Variants in ATG14 observed in about 807,000 individuals in gnomAD.
ATG14 encodes the protein autophagy related 14.
ATG14 carries 35 observed loss-of-function variants against 60.4 expected under a neutral mutation model. The observed-to-expected ratio is 0.58, with a 90% CI of 0.44 to 0.77. ATG14 has a LOEUF of 0.77. ATG14 is among the 30% of genes least tolerant of loss of function. The pLI, the probability that ATG14 is intolerant of heterozygous loss-of-function variation, is 0.00. For synonymous variants in ATG14, 234 were observed against 228.8 expected (o/e 1.02, Z -0.21); for missense variants, 647 against 626.3 (o/e 1.03, Z -0.35).
chr14:55,373,976 A>G (rs1884871318), intron 9 of ATG14, among the ~76,000 whole-genome samples: 1 of 152,196 alleles, frequency 6.6e-6, no homozygotes, highest in African/African-American at 2.4e-5. Flanking sequence ...TCCTCTGGCC[A>G]TAAACTTAGA....
chr14:55,369,786 A>G lies in ATG14; in HGVS notation c.1312T>C (p.Leu438=), dbSNP rs1452961278. The change falls in exon 10 of 10, where the codon TTG becomes CTG. Residue 438 remains leucine, a synonymous_variant. Transcript: ENST00000247178. The part of the protein sequence containing the change: ...ETDLGTDWEN[L]PSPRFCDIPS... ...ATATCACAAAACCGGGGACTAGGCAAGTTCTCCCAGTCTGTGCCCAGGTCG... is the reference window on the plus strand; with the variant it reads ...ATATCACAAAACCGGGGACTAGGCAGGTTCTCCCAGTCTGTGCCCAGGTCG... 1 of 1,614,186 alleles carries G rather than the reference A, an allele frequency of 6.2e-7. No individual in the cohort carries two copies. Among genetic ancestry groups the G allele is most frequent in the South Asian group, 1.1e-5 (1 of 91,082 alleles).
chr14:55,389,182 A>T (rs1376794665), intron 4 of ATG14, among the ~76,000 whole-genome samples: 2 of 152,204 alleles, frequency 1.3e-5, no homozygotes, highest in African/African-American at 2.4e-5. Context: ...TGTTAAAAAG[A>T]GCTGATCAGA....
intron 7 of ATG14, among the ~76,000 whole-genome samples, chr14:55,379,489 G>T (rs751217604): frequency 6.6e-6 from 1 of 152,138 alleles, no homozygotes; most frequent in Non-Finnish European, 1.5e-5. Context: ...AGGTTGCAAT[G>T]AGCTAAAATC....
intron 1 of ATG14, among the ~76,000 whole-genome samples, chr14:55,401,787 G>T (rs936253185): frequency 1.3e-5 from 2 of 152,124 alleles, no homozygotes; most frequent in African/African-American, 4.8e-5. Flanking sequence ...AACCCAGCTC[G>T]GGCTTCAGAG....
rs767328468 is a variant in ATG14, at chr14:55,382,185, G to A, written c.654C>T (p.Pro218=). The part of the protein sequence containing the change: ...IEEVKTGVRD[P]ADVSSESDSA... Reference sequence around the variant, plus strand: ...TGTCACTCTCTGAAGACACATCTGCGGGGTCTCTACAAGTAGGAAGACACA... The same window carrying A: ...TGTCACTCTCTGAAGACACATCTGCAGGGTCTCTACAAGTAGGAAGACACA... The change falls in exon 6 of 10, where the codon CCC becomes CCT. Residue 218 remains proline, a synonymous_variant. Coordinates refer to ENST00000247178, the MANE Select transcript of ATG14 (RefSeq NM_014924.5). 18 of 1,614,106 alleles carry A rather than the reference G, an allele frequency of 1.1e-5. No individual in the cohort carries two copies. Among genetic ancestry groups the A allele is most frequent in the Admixed American group, 5.0e-5 (3 of 60,014 alleles).
intron 9 of ATG14, among the ~76,000 whole-genome samples, chr14:55,376,693 T>C (rs1481401150): frequency 1.3e-5 from 2 of 152,180 alleles, no homozygotes; most frequent in Non-Finnish European, 2.9e-5. Context: ...TTTCAGTAGA[T>C]GGATGATGCG....
At position 55,369,576 on chromosome 14, in the gene ATG14, G is replaced by T; in HGVS notation, c.*43C>A. 3 of 1,447,930 alleles carry T rather than the reference G, an allele frequency of 2.1e-6. No homozygotes were observed. The highest frequency in any genetic ancestry group is 1.8e-6 in the Non-Finnish European group (2 of 1,088,278). 89.7% of individuals were successfully genotyped at this position (1,447,930 alleles called of 1,614,324 possible). A position where few individuals can be genotyped will look rare whatever the true frequency, so the allele number is the denominator to read the frequency against. On this transcript the variant is annotated 3_prime_UTR_variant, in exon 10 of 10. Transcript: ENST00000247178. ...TGTTTACTAGAGTGTAGTGGGAGAA[G>T]AACTTTCTTGATGCAGATTTGGTAT...
intron 2 of ATG14, among the ~76,000 whole-genome samples, chr14:55,396,995 G>A (rs938583661): frequency 2.0e-5 from 3 of 152,192 alleles, no homozygotes; most frequent in Admixed American, 2.0e-4. Context: ...CAGACCATAT[G>A]TTGTAAAATA....
intron 3 of ATG14, among the ~76,000 whole-genome samples, chr14:55,393,217 TAA>T (rs11327080): frequency 0.056 from 8,539 of 151,568 alleles, 387 homozygotes; most frequent in Non-Finnish European, 0.074. Flanking sequence ...CCGTCTCTAC[TAA>T]AAAAACACAA....
rs980587212 is a variant in ATG14 at position 55,368,529 on chromosome 14, T to A, written c.*1090A>T. On this transcript the variant is annotated 3_prime_UTR_variant, in exon 10 of 10. Coordinates refer to ENST00000247178, the MANE Select transcript of ATG14 (RefSeq NM_014924.5). Reference sequence around the variant, plus strand: ...GCCACTGCGCCTGGCTGGGAAATTCTTTCTTTATATTGTGCTTTCCCCAGA... The same window carrying A: ...GCCACTGCGCCTGGCTGGGAAATTCATTCTTTATATTGTGCTTTCCCCAGA... 1.3e-5 allele frequency: 2 copies of A among 152,396 alleles called. No homozygotes were observed. Among genetic ancestry groups the A allele is most frequent in the Non-Finnish European group, 2.9e-5 (2 of 68,186 alleles). The allele number at this position is 152,396 out of a possible 1,614,324, so 9.4% of individuals were successfully genotyped here.
intron 3 of ATG14, among the ~76,000 whole-genome samples, chr14:55,391,549 A>T (rs1468453323): frequency 6.6e-6 from 1 of 152,142 alleles, no homozygotes; most frequent in Non-Finnish European, 1.5e-5. Context: ...GTAAGCAAAG[A>T]GAAAAAAGTT....
intron 4 of ATG14, among the ~76,000 whole-genome samples, chr14:55,390,416 C>T (rs928470233): frequency 1.3e-5 from 2 of 150,814 alleles, no homozygotes; most frequent in African/African-American, 4.9e-5. Flanking sequence ...GCTCTGTGCC[C>T]AGGCTGGAGT....
At position 55,369,704 on chromosome 14, in the gene ATG14, A is replaced by G; in HGVS notation, c.1394T>C (p.Ile465Thr). The part of the protein sequence containing the change: ...QSQSTQASPP[I>T]ASSSAGGMIS... Reference sequence around the variant, plus strand: ...CATCCCACCTGCACTGCTGCTCGCGATGGGTGGGGACGCCTGGGTGCTCTG... The same window carrying G: ...CATCCCACCTGCACTGCTGCTCGCGGTGGGTGGGGACGCCTGGGTGCTCTG... The change falls in exon 10 of 10, where the codon ATC (isoleucine) becomes ACC (threonine). Residue 465 changes from isoleucine (I) to threonine (T), a missense_variant. Transcript: ENST00000247178. 2 of 1,608,696 alleles carry G rather than the reference A, an allele frequency of 1.2e-6. No individual in the cohort carries two copies. The highest frequency in any genetic ancestry group is 1.1e-5 in the South Asian group (1 of 90,580).
intron 1 of ATG14, among the ~76,000 whole-genome samples, chr14:55,399,540 C>T (rs1460450932): frequency 6.6e-6 from 1 of 152,206 alleles, no homozygotes; most frequent in Non-Finnish European, 1.5e-5. Context: ...CAAAACAAGG[C>T]ATCCTCCAGA....
chr14:55,395,916 A>G, intron 3 of ATG14, 24 bp downstream of exon 3: 1 of 1,503,024 alleles, frequency 6.7e-7, no homozygotes, highest in South Asian at 1.4e-5. Context: ...GCCTCAAGTA[A>G]AAAGAACATG....
intron 9 of ATG14, among the ~76,000 whole-genome samples, chr14:55,376,933 G>T (rs779813028): frequency 1.3e-5 from 2 of 152,134 alleles, no homozygotes; most frequent in Non-Finnish European, 2.9e-5. Context: ...TCACACACCA[G>T]CCCTGGTTGG....
chr14:55,370,656 T>A (rs551099162), intron 9 of ATG14, among the ~76,000 whole-genome samples: 42 of 152,132 alleles, frequency 2.8e-4, no homozygotes, highest in African/African-American at 8.0e-4. Flanking sequence ...TTTTTTTTTT[T>A]ATTTAGACAG....
intron 9 of ATG14, among the ~76,000 whole-genome samples, chr14:55,371,602 C>A (rs751538956): frequency 6.6e-6 from 1 of 151,956 alleles, no homozygotes; most frequent in Admixed American, 6.6e-5. Flanking sequence ...GTCAGGAGAT[C>A]GAGACCATTG....
At chr14:55,379,826 G>A (rs1416443002) in intron 7 of ATG14, among the ~76,000 whole-genome samples, 5 of 152,186 alleles carry the variant, frequency 3.3e-5, no homozygotes, top group Admixed American at 6.5e-5. Context: ...GGATTCAAGC[G>A]ATTCTTCTGC....
Sources: gnomAD v4.1 joint callset for allele counts (sites outside exome capture counted in the v4.1 genomes callset) on GRCh38, gnomAD v4.1.1 for gene constraint, MANE v1.5 for transcripts, NCBI Gene and HGNC (gene_info 2026-07-23, HGNC 2026-07-21) for gene names.